GRM8: variants seen among roughly 807,000 people sequenced by gnomAD.
The protein encoded by GRM8 is metabotropic glutamate receptor 8.
In GRM8, 47 loss-of-function variants were observed where a neutral mutation model predicts 87.2. The observed-to-expected ratio is 0.54, with a 90% CI of 0.43 to 0.69. The LOEUF is 0.69. GRM8 is among the 30% of genes least tolerant of loss of function. GRM8 has a pLI of 0.00. For missense variants in GRM8, 1,019 were observed against 1,139.2 expected (o/e 0.89, Z 1.52); for synonymous variants, 396 against 404.5 (o/e 0.98, Z 0.25).
At chr7:126,796,918 A>T (rs1270134390) in intron 6 of GRM8, among the ~76,000 whole-genome samples, 1 of 152,098 alleles carries the variant, frequency 6.6e-6, no homozygotes, top group Non-Finnish European at 1.5e-5. Context: ...TCTCTTTAGG[A>T]TAAATAAATG....
intron 7 of GRM8, among the ~76,000 whole-genome samples, chr7:126,618,483 T>C (rs1799766824): frequency 6.6e-6 from 1 of 152,152 alleles, no homozygotes; most frequent in Non-Finnish European, 1.5e-5. Flanking sequence ...ACTTCATGTC[T>C]AAAACACCAA....
At chr7:126,591,361 G>A (rs1796651462) in intron 8 of GRM8, among the ~76,000 whole-genome samples, 1 of 152,006 alleles carries the variant, frequency 6.6e-6, no homozygotes, top group South Asian at 2.1e-4. Context: ...TAACACTGGA[G>A]CTTCCAAATT....
chr7:126,586,679 AT>A (rs1450291293), intron 8 of GRM8, among the ~76,000 whole-genome samples: 1 of 152,144 alleles, frequency 6.6e-6, no homozygotes, highest in Admixed American at 6.6e-5. Flanking sequence ...CAAAAATTAA[AT>A]CAAGATGGAT....
intron 6 of GRM8, among the ~76,000 whole-genome samples, chr7:126,778,531 TA>T (rs1819708586): frequency 6.6e-6 from 1 of 152,214 alleles, no homozygotes; most frequent in Non-Finnish European, 1.5e-5. Flanking sequence ...GATATATCCC[TA>T]AGTCCCTGAA....
Position 126,665,156 on chromosome 7 carries a change from A to G in GRM8, c.1358-55658T>C, listed in dbSNP as rs148065757. ...TGGAGAAAATACACTGTTGGTGGGA[A>G]TGTAAATTAGTTCAGTCACTGTGGA... is the stretch of plus-strand genomic sequence containing the variant. On this transcript the variant is annotated intron_variant, in intron 7 of 10. Coordinates refer to ENST00000339582, the MANE Select transcript of GRM8 (RefSeq NM_000845.3). Among the ~76,000 whole-genome samples the G allele has an allele frequency of 4.2e-3, 634 of 152,254 alleles. 6 individuals are homozygous for G. Among genetic ancestry groups the G allele is most frequent in the African/African-American group, 0.015 (603 of 41,556 alleles).
At chr7:126,653,207 GTGGAGGATCACT>G (rs1292391959) in intron 7 of GRM8, among the ~76,000 whole-genome samples, 1 of 151,438 alleles carries the variant, frequency 6.6e-6, no homozygotes, top group Non-Finnish European at 1.5e-5. Context: ...GGAGGCTGAG[GTGGAGGATCACT>G]TGATCCCAGG....
Position 126,968,975 on chromosome 7 carries a change from T to C in GRM8, c.728-64292A>G, listed in dbSNP as rs139888202. Among the ~76,000 whole-genome samples, 31 of 152,334 alleles carry C rather than the reference T, an allele frequency of 2.0e-4. No individual in the cohort carries two copies. The East Asian group carries it at 5.8e-3, about 28-fold the overall frequency. ...GAATATTGCAATAAAGTGAGTCATG[T>C]GAACTTTTTTATTTCCTAGTGCATA... On this transcript the variant is annotated intron_variant, in intron 3 of 10. Coordinates refer to ENST00000339582, the MANE Select transcript of GRM8 (RefSeq NM_000845.3).
chr7:126,873,073 A>G lies in GRM8; in HGVS notation c.1156+29469T>C, dbSNP rs146593017. Among the ~76,000 whole-genome samples the G allele has an allele frequency of 1.3e-3, 204 of 152,242 alleles. 1 individual carries two copies. Among genetic ancestry groups the G allele is most frequent in the Admixed American group, 0.012 (178 of 15,278 alleles). Reference sequence around the variant, plus strand: ...GTTTAAAACACACACCTGCGCATACATACACACACATACAGTTTTAAAGAT... The same window carrying G: ...GTTTAAAACACACACCTGCGCATACGTACACACACATACAGTTTTAAAGAT... On this transcript the variant is annotated intron_variant, in intron 6 of 10. Transcript: ENST00000339582.
intron 2 of GRM8, among the ~76,000 whole-genome samples, chr7:127,177,557 C>T (rs1587205307): frequency 1.3e-5 from 2 of 152,202 alleles, no homozygotes; most frequent in East Asian, 1.9e-4. Context: ...AAAAATAGAG[C>T]ATTAAACCAC....
At chr7:126,596,741 C>T (rs1797239009) in intron 8 of GRM8, among the ~76,000 whole-genome samples, 1 of 152,096 alleles carries the variant, frequency 6.6e-6, no homozygotes, top group Non-Finnish European at 1.5e-5. Flanking sequence ...TGCACTCACA[C>T]ACACAGAGGA....
chr7:127,034,936 T>C (rs1771720667), intron 3 of GRM8, among the ~76,000 whole-genome samples: 1 of 152,072 alleles, frequency 6.6e-6, no homozygotes, highest in African/African-American at 2.4e-5. Flanking sequence ...AAAAAAAATA[T>C]CTGCAGAGCT....
intron 2 of GRM8, among the ~76,000 whole-genome samples, chr7:127,149,579 T>G (rs1828735809): frequency 6.6e-6 from 1 of 151,946 alleles, no homozygotes; most frequent in South Asian, 2.1e-4. Flanking sequence ...CCAAGGGAAA[T>G]AAAATCACCA....
At chr7:126,728,701 A>G (rs1813272321) in intron 7 of GRM8, among the ~76,000 whole-genome samples, 1 of 152,208 alleles carries the variant, frequency 6.6e-6, no homozygotes, top group Admixed American at 6.5e-5. Context: ...AAACACTTCA[A>G]TACAGGAGCT....
chr7:127,156,537 A>G (rs891436773), intron 2 of GRM8, among the ~76,000 whole-genome samples: 1 of 152,168 alleles, frequency 6.6e-6, no homozygotes, highest in Non-Finnish European at 1.5e-5. Context: ...CTTTGGTGAT[A>G]TGAACTCTGT....
intron 8 of GRM8, among the ~76,000 whole-genome samples, chr7:126,607,849 TC>T (rs1214508936): frequency 1.6e-5 from 1 of 61,270 alleles, no homozygotes; most frequent in Non-Finnish European, 2.9e-5. Context: ...CCCTCCCCCC[TC>T]CCCCCACCCC....
chr7:126,733,215 C>A (rs951737666), intron 7 of GRM8, among the ~76,000 whole-genome samples: 1 of 151,818 alleles, frequency 6.6e-6, no homozygotes, highest in African/African-American at 2.4e-5. Context: ...AAAGTGAAAA[C>A]AATGTTAGAA....
chr7:126,578,281 A>G (rs571728338), intron 8 of GRM8, among the ~76,000 whole-genome samples: 1 of 152,304 alleles, frequency 6.6e-6, no homozygotes, highest in East Asian at 1.9e-4. Flanking sequence ...AACAGGATAC[A>G]ATTTGTCCTC....
intron 2 of GRM8, among the ~76,000 whole-genome samples, chr7:127,175,635 A>C (rs916757707): frequency 1.3e-5 from 2 of 152,210 alleles, no homozygotes; most frequent in Admixed American, 6.5e-5. Flanking sequence ...TTTAAGAATT[A>C]CAGCAGACTT....
intron 6 of GRM8, among the ~76,000 whole-genome samples, chr7:126,791,019 G>A (rs578239412): frequency 6.6e-6 from 1 of 152,238 alleles, no homozygotes; most frequent in African/African-American, 2.4e-5. Flanking sequence ...ATAAATGACA[G>A]TGCCAGTGTT....
Sources: allele counts gnomAD v4.1 joint callset (sites outside exome capture counted in the v4.1 genomes callset), GRCh38; gene constraint gnomAD v4.1.1; transcripts MANE v1.5; gene names NCBI Gene and HGNC (gene_info 2026-07-23, HGNC 2026-07-21).